Variants in PCDH9 observed in about 807,000 individuals in gnomAD.
The protein encoded by PCDH9 is protocadherin-9.
Under a neutral mutation model 70.6 loss-of-function variants are expected in PCDH9, and 24 were observed. The observed-to-expected ratio is 0.34, with a 90% confidence interval of 0.25 to 0.48. The LOEUF (loss-of-function observed/expected upper bound fraction) is 0.48. Among genes scored for constraint, PCDH9 ranks in the 20% least tolerant of loss-of-function variants. The pLI is 0.99. For synonymous variants in PCDH9, 562 were observed against 558.5 expected, an observed-to-expected ratio of 1.01 and a Z score of -0.09; for missense variants, 1,281 against 1,503.6, an observed-to-expected ratio of 0.85 and a Z score of 2.45.
intron 4 of PCDH9, among the ~76,000 whole-genome samples, chr13:66,434,632 A>G (rs1297224431): frequency 6.6e-6 from 1 of 152,030 alleles, no homozygotes; most frequent in East Asian, 1.9e-4. Flanking sequence ...AATGGTCATC[A>G]CATTTTTTTT....
chr13:66,813,956 A>C (rs2080557070), intron 3 of PCDH9, among the ~76,000 whole-genome samples: 1 of 152,202 alleles, frequency 6.6e-6, no homozygotes, highest in Non-Finnish European at 1.5e-5. Context: ...GAAAGAGTAC[A>C]GCAAATGACA....
At chr13:66,708,406 T>TTA in intron 3 of PCDH9, among the ~76,000 whole-genome samples, 1 of 148,714 alleles carries the variant, frequency 6.7e-6, no homozygotes, top group East Asian at 1.9e-4. Flanking sequence ...AGATTTAGTT[T>TTA]TTTTTTTTTT....
intron 3 of PCDH9, among the ~76,000 whole-genome samples, chr13:66,749,396 A>G (rs7993355): frequency 0.3 from 45,814 of 152,006 alleles, 7,217 homozygotes; most frequent in East Asian, 0.45. Context: ...CATCATAATC[A>G]ACAATCATTT....
chr13:66,906,637 A>C (rs971792034), intron 2 of PCDH9, among the ~76,000 whole-genome samples: 5 of 152,288 alleles, frequency 3.3e-5, no homozygotes, highest in South Asian at 2.1e-4. Flanking sequence ...TGGAACAGTG[A>C]ATGGCATGAA....
intron 2 of PCDH9, among the ~76,000 whole-genome samples, chr13:66,916,379 T>C (rs1179364185): frequency 6.6e-6 from 1 of 151,558 alleles, no homozygotes; most frequent in Non-Finnish European, 1.5e-5. Context: ...GGAAGAAAAC[T>C]TCCCCTGGAG....
chr13:66,402,813 T>C (rs1957210953), intron 4 of PCDH9, among the ~76,000 whole-genome samples: 1 of 152,188 alleles, frequency 6.6e-6, no homozygotes, highest in Non-Finnish European at 1.5e-5. Context: ...GTTGATCACA[T>C]GGACACAATA....
intron 4 of PCDH9, among the ~76,000 whole-genome samples, chr13:66,616,926 C>T (rs903696434): frequency 2.0e-5 from 3 of 152,088 alleles, no homozygotes; most frequent in African/African-American, 7.2e-5. Flanking sequence ...AGGTCAAAGC[C>T]CTAGGAAGGA....
At chr13:66,722,967 CAA>C (rs1210244459) in intron 3 of PCDH9, among the ~76,000 whole-genome samples, 16,468 of 73,228 alleles carry the variant, frequency 0.22, 853 homozygotes, top group Middle Eastern at 0.33. Context: ...GACTGCATCT[CAA>C]AAAAAAAAAA....
At chr13:66,710,086 T>C (rs544831271) in intron 3 of PCDH9, among the ~76,000 whole-genome samples, 5 of 152,180 alleles carry the variant, frequency 3.3e-5, no homozygotes, top group Non-Finnish European at 5.9e-5. Context: ...GGAATAATCA[T>C]CATTTTACTT....
intron 4 of PCDH9, among the ~76,000 whole-genome samples, chr13:66,617,971 C>G (rs2077378413): frequency 2.0e-5 from 3 of 152,100 alleles, no homozygotes; most frequent in Admixed American, 2.0e-4. Context: ...GAGGGGGTCC[C>G]TGGGGAAACT....
At chr13:67,106,873 T>C (rs1013675273) in intron 2 of PCDH9, among the ~76,000 whole-genome samples, 1 of 152,176 alleles carries the variant, frequency 6.6e-6, no homozygotes, top group African/African-American at 2.4e-5. Context: ...AACACAGCCC[T>C]GTGTGTGGGC....
intron 2 of PCDH9, among the ~76,000 whole-genome samples, chr13:67,027,406 C>T (rs1486886439): frequency 6.6e-6 from 1 of 152,162 alleles, no homozygotes; most frequent in East Asian, 1.9e-4. Context: ...ACACCTTATA[C>T]AAAAATTAAT....
intron 3 of PCDH9, among the ~76,000 whole-genome samples, chr13:66,650,060 G>A (rs2077828903): frequency 6.6e-6 from 1 of 151,118 alleles, no homozygotes; most frequent in Non-Finnish European, 1.5e-5. Flanking sequence ...AGGAAGATAG[G>A]AAGGAAGAAA....
chr13:66,609,739 C>G (rs1486698466), intron 4 of PCDH9, among the ~76,000 whole-genome samples: 2 of 151,540 alleles, frequency 1.3e-5, no homozygotes, highest in Non-Finnish European at 2.9e-5. Flanking sequence ...ATTTTGAGAA[C>G]AAAAAAGTAA....
At chr13:66,650,813 A>T (rs1430649104) in intron 3 of PCDH9, among the ~76,000 whole-genome samples, 1 of 152,036 alleles carries the variant, frequency 6.6e-6, no homozygotes, top group African/African-American at 2.4e-5. Flanking sequence ...ATATAAAAAA[A>T]CATTGAAATT....
intron 4 of PCDH9, among the ~76,000 whole-genome samples, chr13:66,500,658 T>G (rs1236565150): frequency 6.6e-6 from 1 of 152,100 alleles, no homozygotes; most frequent in African/African-American, 2.4e-5. Flanking sequence ...AAATTATAAC[T>G]TTAACCTATT....
intron 4 of PCDH9, among the ~76,000 whole-genome samples, chr13:66,314,618 T>C (rs1260234594): frequency 1.3e-5 from 2 of 152,216 alleles, no homozygotes; most frequent in Non-Finnish European, 2.9e-5. Flanking sequence ...TATCTACTTA[T>C]CAGGAGTATT....
rs190025375 is a variant in PCDH9 at position 67,163,291 on chromosome 13, C to A, written c.3036+62114G>T. Among the ~76,000 whole-genome samples the A allele has an allele frequency of 2.5e-3, 383 of 152,214 alleles. 1 individual carries two copies. Among genetic ancestry groups the A allele is most frequent in the African/African-American group, 8.6e-3 (358 of 41,532 alleles). ...GGAGATGAACCAAGCTACTCTCAGG[C>A]ATAATATGTATTAAAGAAAGTATCT... On this transcript the variant is annotated intron_variant, in intron 2 of 4. Coordinates refer to ENST00000377865, the MANE Select transcript of PCDH9 (RefSeq NM_203487.3).
At chr13:67,198,014 A>T (rs758189817) in intron 2 of PCDH9, among the ~76,000 whole-genome samples, 56 of 151,592 alleles carry the variant, frequency 3.7e-4, no homozygotes, top group Non-Finnish European at 7.1e-4. Flanking sequence ...TTAAAAATAA[A>T]ACATAATTTT....
Sources: gnomAD v4.1 joint callset for allele counts (sites outside exome capture counted in the v4.1 genomes callset) on GRCh38, gnomAD v4.1.1 for gene constraint, MANE v1.5 for transcripts, NCBI Gene and HGNC (gene_info 2026-07-23, HGNC 2026-07-21) for gene names.